Variants in ASCC3 observed in about 807,000 individuals in gnomAD.
ASCC3 encodes the protein ASC-1 complex subunit P200.
A neutral mutation model predicts 256.3 loss-of-function variants in ASCC3; 158 were observed. The observed-to-expected ratio is 0.62, with a 90% CI of 0.54 to 0.70. The LOEUF is 0.70. Ranked by LOEUF, ASCC3 falls within the 30% of genes least tolerant of loss-of-function variation. ASCC3 has a pLI of 0.00. For missense variants in ASCC3, 2,259 were observed against 2,626.0 expected, an observed-to-expected ratio of 0.86 and a Z score of 3.05; for synonymous variants, 948 against 883.4, an observed-to-expected ratio of 1.07 and a Z score of -1.30.
chr6:100,842,737 G>A (rs947545468), intron 4 of ASCC3, among the ~76,000 whole-genome samples: 19 of 152,138 alleles, frequency 1.2e-4, no homozygotes, highest in Non-Finnish European at 1.9e-4. Context: ...TCAGGAGGCC[G>A]TGGTGAGAGG....
chr6:100,761,158 A>ACACCT (rs900947817), intron 10 of ASCC3, among the ~76,000 whole-genome samples: 6 of 152,168 alleles, frequency 3.9e-5, no homozygotes, highest in Non-Finnish European at 8.8e-5. Flanking sequence ...TTCAGAAACC[A>ACACCT]CAGAGGTCAG....
At chr6:100,863,475 T>G (rs2114544116) in intron 3 of ASCC3, among the ~76,000 whole-genome samples, 1 of 152,320 alleles carries the variant, frequency 6.6e-6, no homozygotes. Flanking sequence ...TACTTTATCC[T>G]TATTTTAATC....
intron 16 of ASCC3, among the ~76,000 whole-genome samples, chr6:100,661,209 C>T (rs959021672): frequency 6.6e-6 from 1 of 151,360 alleles, no homozygotes; most frequent in African/African-American, 2.4e-5. Flanking sequence ...AACAGTCAAA[C>T]CTGATTTTAA....
At chr6:100,516,509 ACTGTT>A (rs1315411685) in intron 38 of ASCC3, among the ~76,000 whole-genome samples, 182 bp from the exon 39 acceptor site, 1 of 152,164 alleles carries the variant, frequency 6.6e-6, no homozygotes, top group Non-Finnish European at 1.5e-5. Context: ...CCAAGGCAGT[ACTGTT>A]ATCACTGCAT....
At chr6:100,624,872 T>C (rs1296567178) in intron 30 of ASCC3, among the ~76,000 whole-genome samples, 3 of 151,918 alleles carry the variant, frequency 2.0e-5, no homozygotes, top group Non-Finnish European at 4.4e-5. Flanking sequence ...GATTATTATA[T>C]ATTTTTTAAA....
In ASCC3 at chr6:100,828,689, G is replaced by A. The variant is rs537362669; in HGVS notation, c.801+19459C>T. ...CATCTGGAGTTGTTCGTTCCTCCCA[G>A]TGGGTTCGTGGTCTGGCTGGCTTCA... is the stretch of plus-strand genomic sequence containing the variant. On this transcript the variant is annotated intron_variant, in intron 4 of 41. Coordinates refer to ENST00000369162, the MANE Select transcript of ASCC3 (RefSeq NM_006828.4). Among the ~76,000 whole-genome samples, 5 of 152,278 alleles carry A rather than the reference G, an allele frequency of 3.3e-5. No homozygotes were observed. In the South Asian group the frequency reaches 1.0e-3, roughly 32 times the overall value.
At chr6:100,545,335 A>G (rs1185915224) in intron 36 of ASCC3, among the ~76,000 whole-genome samples, 3 of 152,036 alleles carry the variant, frequency 2.0e-5, no homozygotes, top group African/African-American at 7.2e-5. Flanking sequence ...GTGCCAGCAC[A>G]CCTGGCTAAT....
intron 15 of ASCC3, 94 bp from the exon 16 acceptor site, chr6:100,662,124 C>T (rs1312286911): frequency 1.1e-5 from 14 of 1,292,402 alleles, no homozygotes; most frequent in Admixed American, 3.6e-5. Flanking sequence ...ATGGCAAGAT[C>T]TCAAAAGTGT....
chr6:100,847,778 T>C, intron 4 of ASCC3, among the ~76,000 whole-genome samples: 1 of 152,176 alleles, frequency 6.6e-6, no homozygotes, highest in South Asian at 2.1e-4. Context: ...AACAAACTGA[T>C]TTCAAAGCCT....
chr6:100,752,078 G>T (rs1470730173), intron 10 of ASCC3, among the ~76,000 whole-genome samples: 1 of 152,042 alleles, frequency 6.6e-6, no homozygotes, highest in Non-Finnish European at 1.5e-5. Flanking sequence ...CTTAAGAACA[G>T]CTGTGCTTTT....
At chr6:100,794,143 G>C (rs1769486279) in intron 8 of ASCC3, among the ~76,000 whole-genome samples, 1 of 151,944 alleles carries the variant, frequency 6.6e-6, no homozygotes, top group African/African-American at 2.4e-5. Flanking sequence ...CTCTACTCTA[G>C]ACCTTCAACT....
intron 8 of ASCC3, among the ~76,000 whole-genome samples, chr6:100,771,900 T>G (rs1446475148): frequency 7.5e-6 from 1 of 133,660 alleles, no homozygotes; most frequent in Non-Finnish European, 1.5e-5. Context: ...TTTTTTGAGA[T>G]GGAGTCTCTT....
chr6:100,688,952 A>G (rs539133495), intron 13 of ASCC3, among the ~76,000 whole-genome samples: 1 of 152,336 alleles, frequency 6.6e-6, no homozygotes, highest in South Asian at 2.1e-4. Flanking sequence ...TTTAAAGGTC[A>G]TAACACTCTA....
At position 100,509,093 on chromosome 6, in the gene ASCC3, C is replaced by T. The variant is rs1045920297; in HGVS notation, c.*293G>A. On this transcript the variant is annotated 3_prime_UTR_variant, in exon 42 of 42. Transcript: ENST00000369162. The stretch of plus-strand genomic sequence containing the variant: ...GTGAGATGTAAAATTTGATTGATAG[C>T]TCCTAAATATCATCCCAAATATACA... The T allele has an allele frequency of 2.6e-5, 10 of 387,040 alleles. No individual in the cohort carries two copies. In the Admixed American group the frequency reaches 3.5e-4, roughly 13 times the overall value. 24.0% of individuals were successfully genotyped at this position (387,040 alleles called of 1,614,324 possible). A position where few individuals can be genotyped will look rare whatever the true frequency, so the allele number is the denominator to read the frequency against.
intron 30 of ASCC3, among the ~76,000 whole-genome samples, chr6:100,624,837 T>A (rs1774147655): frequency 6.6e-6 from 1 of 151,886 alleles, no homozygotes; most frequent in Non-Finnish European, 1.5e-5. Flanking sequence ...TTTTTATATA[T>A]TAGTGCTTCC....
chr6:100,589,510 G>C (rs898027759), intron 36 of ASCC3, 124 bp downstream of exon 36: 71 of 1,132,772 alleles, frequency 6.3e-5, no homozygotes, highest in Non-Finnish European at 7.6e-5. Flanking sequence ...TTGCTTTGTA[G>C]TGACCTTGTT....
chr6:100,792,126 C>T (rs1318627519), intron 8 of ASCC3, among the ~76,000 whole-genome samples: 1 of 151,832 alleles, frequency 6.6e-6, no homozygotes, highest in East Asian at 1.9e-4. Context: ...AAAACTAAAT[C>T]TCAACAAGTA....
In ASCC3 at chr6:100,517,126, A is replaced by G. The variant is rs6941559; in HGVS notation, c.5928-799T>C. On this transcript the variant is annotated intron_variant, in intron 38 of 41. Coordinates refer to ENST00000369162, the MANE Select transcript of ASCC3 (RefSeq NM_006828.4). ...TAGTTTCTAGGGACATCCCATGGTAAGAACCCAAGTACTATGGAGACAACT... is the reference window on the plus strand; with the variant it reads ...TAGTTTCTAGGGACATCCCATGGTAGGAACCCAAGTACTATGGAGACAACT... Among the ~76,000 whole-genome samples the G allele has an allele frequency of 5.3e-3, 807 of 152,202 alleles. 9 individuals are homozygous for G. The highest frequency in any genetic ancestry group is 0.019 in the African/African-American group (776 of 41,516).
chr6:100,855,921 C>A (rs1772921484), intron 3 of ASCC3, among the ~76,000 whole-genome samples: 1 of 152,158 alleles, frequency 6.6e-6, no homozygotes, highest in Admixed American at 6.6e-5. Flanking sequence ...CCACTAGTAA[C>A]TGACAGAACT....
Sources: allele counts gnomAD v4.1 joint callset (sites outside exome capture counted in the v4.1 genomes callset), GRCh38; gene constraint gnomAD v4.1.1; transcripts MANE v1.5; gene names NCBI Gene and HGNC (gene_info 2026-07-23, HGNC 2026-07-21).